HTR1E: variants seen among roughly 807,000 people sequenced by gnomAD.
HTR1E encodes 5-HT-1E.
In HTR1E, 3 loss-of-function variants were observed where a neutral mutation model predicts 3.4. That is an observed-to-expected ratio of 0.89 (90% CI 0.41 to 2.31). HTR1E has a LOEUF of 2.31. HTR1E is among the 30% of genes most tolerant of loss of function. The pLI is 0.05. For synonymous variants in HTR1E, 170 were observed against 182.8 expected (o/e 0.93, Z 0.56); for missense variants, 392 against 467.0 (o/e 0.84, Z 1.48).
At chr6:86,971,099 G>A in intron 1 of HTR1E, 1 of 510,608 alleles carries the variant, frequency 2.0e-6, no homozygotes, top group South Asian at 1.4e-5. Context: ...TCTCCATGAG[G>A]AGGAATGAAG....
intron 1 of HTR1E, among the ~76,000 whole-genome samples, chr6:86,972,321 A>G (rs1044903449): frequency 1.3e-5 from 2 of 152,172 alleles, no homozygotes; most frequent in Admixed American, 1.3e-4. Flanking sequence ...CAGGGGTTAA[A>G]GGTCATGCAG....
chr6:86,981,509 A>C (rs967581181), intron 1 of HTR1E, among the ~76,000 whole-genome samples: 2 of 152,204 alleles, frequency 1.3e-5, no homozygotes, highest in African/African-American at 4.8e-5. Flanking sequence ...ATGCCCTAGA[A>C]TAGATCTGTA....
At chr6:86,980,185 A>C (rs886281409) in intron 1 of HTR1E, among the ~76,000 whole-genome samples, 1 of 152,136 alleles carries the variant, frequency 6.6e-6, no homozygotes, top group Non-Finnish European at 1.5e-5. Context: ...CATGAGATGG[A>C]GACCATCCTG....
chr6:86,980,289 A>G (rs1767693318), intron 1 of HTR1E, among the ~76,000 whole-genome samples: 2 of 151,826 alleles, frequency 1.3e-5, no homozygotes, highest in Non-Finnish European at 2.9e-5. Flanking sequence ...CGGGAGGCTG[A>G]GGCAGGAGAA....
chr6:86,988,727 A>T (rs923898411), intron 1 of HTR1E, among the ~76,000 whole-genome samples: 6 of 152,172 alleles, frequency 3.9e-5, no homozygotes, highest in Non-Finnish European at 7.4e-5. Flanking sequence ...ACCTGAAATG[A>T]AGGAAGTCCC....
intron 1 of HTR1E, among the ~76,000 whole-genome samples, chr6:86,984,509 A>G (rs1266405575): frequency 6.6e-6 from 1 of 152,212 alleles, no homozygotes; most frequent in African/African-American, 2.4e-5. Context: ...AGAGCCACCA[A>G]CAAGAAAAAA....
chr6:87,002,214 AGTTT>A (rs1347864134), intron 1 of HTR1E, among the ~76,000 whole-genome samples: 1 of 152,082 alleles, frequency 6.6e-6, no homozygotes, highest in African/African-American at 2.4e-5. Flanking sequence ...GTGTGTCCGG[AGTTT>A]GTTACTTCAG....
chr6:86,993,894 TGAAAC>T (rs1417986159), intron 1 of HTR1E, among the ~76,000 whole-genome samples: 1 of 151,852 alleles, frequency 6.6e-6, no homozygotes, highest in Non-Finnish European at 1.5e-5. Flanking sequence ...TGAGCACACT[TGAAAC>T]AAATAAAATA....
chr6:87,008,810 A>G (rs897210919), intron 1 of HTR1E, among the ~76,000 whole-genome samples: 1 of 152,218 alleles, frequency 6.6e-6, no homozygotes, highest in Non-Finnish European at 1.5e-5. Context: ...TTAAAATATT[A>G]TAAGATGATC....
chr6:86,983,301 A>G (rs1767738380), intron 1 of HTR1E, among the ~76,000 whole-genome samples: 1 of 151,514 alleles, frequency 6.6e-6, no homozygotes, highest in South Asian at 2.1e-4. Flanking sequence ...TAAGTTAGAA[A>G]CATACATATC....
chr6:87,005,133 G>T (rs1200672251), intron 1 of HTR1E, among the ~76,000 whole-genome samples: 1 of 152,122 alleles, frequency 6.6e-6, no homozygotes, highest in Non-Finnish European at 1.5e-5. Context: ...TGGATTGGAA[G>T]AATAAATATT....
intron 1 of HTR1E, among the ~76,000 whole-genome samples, chr6:87,008,794 A>C (rs1768156673): frequency 6.6e-6 from 1 of 152,214 alleles, no homozygotes; most frequent in Non-Finnish European, 1.5e-5. Flanking sequence ...ATAAATGTAT[A>C]GTTTATTAAA....
chr6:87,010,213 G>T (rs1324999629), intron 1 of HTR1E, among the ~76,000 whole-genome samples: 1 of 106,812 alleles, frequency 9.4e-6, no homozygotes, highest in Admixed American at 9.0e-5. Flanking sequence ...CCTCCCGGAT[G>T]GGGTGGCTGG....
intron 1 of HTR1E, among the ~76,000 whole-genome samples, chr6:86,983,274 G>A (rs1387731031): frequency 6.6e-6 from 1 of 152,054 alleles, no homozygotes; most frequent in Non-Finnish European, 1.5e-5. Flanking sequence ...TCTTCAAAGT[G>A]ATTATTTAAG....
chr6:87,003,237 G>A (rs571016243), intron 1 of HTR1E, among the ~76,000 whole-genome samples: 3 of 152,184 alleles, frequency 2.0e-5, no homozygotes, highest in East Asian at 3.9e-4. Flanking sequence ...GCCAATGAAG[G>A]GCCTAAGAAG....
chr6:86,946,262 G>A (rs1281212920), intron 1 of HTR1E, among the ~76,000 whole-genome samples: 1 of 151,278 alleles, frequency 6.6e-6, no homozygotes, highest in Non-Finnish European at 1.5e-5. Context: ...TTCATGATAA[G>A]TTCCCTACAC....
chr6:86,940,895 G>C (rs756086233), intron 1 of HTR1E, among the ~76,000 whole-genome samples: 1 of 152,230 alleles, frequency 6.6e-6, no homozygotes, highest in Non-Finnish European at 1.5e-5. Flanking sequence ...GCAGAGGTGA[G>C]TTTAGCATCT....
chr6:86,958,582 T>G (rs1337759593), intron 1 of HTR1E, among the ~76,000 whole-genome samples: 1 of 152,122 alleles, frequency 6.6e-6, no homozygotes, highest in Non-Finnish European at 1.5e-5. Context: ...CTCCAGTGTC[T>G]AGAGGAGAAT....
chr6:86,955,902 T>C (rs554046266), intron 1 of HTR1E, among the ~76,000 whole-genome samples: 2 of 152,002 alleles, frequency 1.3e-5, no homozygotes, highest in Admixed American at 6.5e-5. Context: ...CCCCAACCAA[T>C]TGACTGAAAC....
Sources: gnomAD v4.1 joint callset for allele counts (sites outside exome capture counted in the v4.1 genomes callset) on GRCh38, gnomAD v4.1.1 for gene constraint, MANE v1.5 for transcripts, NCBI Gene and HGNC (gene_info 2026-07-23, HGNC 2026-07-21) for gene names.